Variants in DTWD2 observed in about 807,000 individuals in gnomAD.
DTWD2 encodes DTW motif tRNA-uridine aminocarboxypropyltransferase 2, also known as tRNA-uridine aminocarboxypropyltransferase 2.
Under a neutral mutation model 31.8 loss-of-function variants are expected in DTWD2, and 39 were observed. The ratio of observed to expected loss-of-function variants is 1.22; its 90% CI spans 0.95 to 1.60. The LOEUF (loss-of-function observed/expected upper bound fraction) is 1.60, where lower values mean the gene tolerates loss of function less well. DTWD2 is among the 40% of genes most tolerant of loss of function. The probability of loss-of-function intolerance (pLI) is 0.00; values close to 1 mark genes in which losing one functional copy is unlikely to be tolerated. For synonymous variants in DTWD2, 180 were observed against 142.8 expected (o/e 1.26, Z -1.86); for missense variants, 515 against 381.5 (o/e 1.35, Z -2.92).
At chr5:118,871,800 T>C (rs900402613) in intron 4 of DTWD2, among the ~76,000 whole-genome samples, 1 of 152,158 alleles carries the variant, frequency 6.6e-6, no homozygotes, top group Non-Finnish European at 1.5e-5. Context: ...AACCTGAAAC[T>C]CACCAGCTGC....
At chr5:118,909,838 C>T (rs190977344) in intron 4 of DTWD2, among the ~76,000 whole-genome samples, 2 of 152,322 alleles carry the variant, frequency 1.3e-5, no homozygotes, top group African/African-American at 4.8e-5. Flanking sequence ...ACTGTATTCC[C>T]CCGTACTTAG....
Position 118,839,490 on chromosome 5 carries a change from G to A in DTWD2, c.*1427C>T, listed in dbSNP as rs1381059844. 1 of 151,874 alleles carries A rather than the reference G, an allele frequency of 6.6e-6. No individual in the cohort carries two copies. The highest frequency in any genetic ancestry group is 1.5e-5 in the Non-Finnish European group (1 of 68,024). 9.4% of individuals were successfully genotyped at this position (151,874 alleles called of 1,614,324 possible). ...CCACCTTAGCCTCCCAAGTAGCTAGGACTACAAGTGCACACCACCACATCT... is the reference window on the plus strand; with the variant it reads ...CCACCTTAGCCTCCCAAGTAGCTAGAACTACAAGTGCACACCACCACATCT... On this transcript the variant is annotated 3_prime_UTR_variant, in exon 6 of 6. Coordinates refer to ENST00000510708, the MANE Select transcript of DTWD2 (RefSeq NM_173666.4).
intron 4 of DTWD2, among the ~76,000 whole-genome samples, chr5:118,871,989 C>T (rs549606500): frequency 6.6e-6 from 1 of 152,326 alleles, no homozygotes; most frequent in Admixed American, 6.5e-5. Flanking sequence ...TAGCTTGATG[C>T]AACTTCTACA....
intron 4 of DTWD2, among the ~76,000 whole-genome samples, chr5:118,918,387 C>A (rs1177540500): frequency 3.3e-5 from 5 of 149,950 alleles, no homozygotes; most frequent in Admixed American, 2.0e-4. Context: ...AGTGCAGTGG[C>A]ACGATCTCGG....
intron 3 of DTWD2, among the ~76,000 whole-genome samples, chr5:118,932,644 TAAG>T (rs765819840): frequency 5.5e-4 from 83 of 152,250 alleles, no homozygotes; most frequent in East Asian, 1.7e-3. Flanking sequence ...GGTATGATTA[TAAG>T]AAGAGGAAAT....
rs1561484620 is a variant in DTWD2, at chr5:118,988,486, G to GT, written c.25dup (p.Thr9AsnfsTer60). The GT allele has an allele frequency of 6.3e-7, 1 of 1,590,914 alleles. No homozygotes were observed. Among genetic ancestry groups the GT allele is most frequent in the Admixed American group, 1.7e-5 (1 of 57,446 alleles). ...AGGCCGCGCAACGGGCTCCTGGAGT[G>GT]TTCGTGCCTCTTTCTGCGACTCCAT... On this transcript the variant is annotated frameshift_variant, in exon 1 of 6. Transcript: ENST00000510708. LOFTEE classifies it high-confidence loss of function.
intron 4 of DTWD2, among the ~76,000 whole-genome samples, chr5:118,861,887 C>A (rs981368081): frequency 1.8e-4 from 27 of 152,104 alleles, no homozygotes; most frequent in African/African-American, 6.5e-4. Context: ...GAGCTGAGAG[C>A]TGAAGAGCCA....
intron 4 of DTWD2, among the ~76,000 whole-genome samples, chr5:118,906,234 AACT>A (rs1474029165): frequency 6.6e-6 from 1 of 152,196 alleles, no homozygotes; most frequent in African/African-American, 2.4e-5. Flanking sequence ...ATTTCTCATA[AACT>A]ACTGGTAGGA....
chr5:118,910,122 A>G (rs1753424692), intron 4 of DTWD2, among the ~76,000 whole-genome samples: 1 of 152,170 alleles, frequency 6.6e-6, no homozygotes, highest in Non-Finnish European at 1.5e-5. Context: ...ACACTTTTTC[A>G]TTGTTTAAAA....
chr5:118,886,451 TAAC>T (rs1377491233), intron 4 of DTWD2, among the ~76,000 whole-genome samples: 2 of 152,130 alleles, frequency 1.3e-5, no homozygotes, highest in African/African-American at 4.8e-5. Context: ...TATAATAGCA[TAAC>T]AAGGAAATCA....
At chr5:118,869,824 A>G (rs1449167630) in intron 4 of DTWD2, among the ~76,000 whole-genome samples, 10 of 152,176 alleles carry the variant, frequency 6.6e-5, no homozygotes, top group Admixed American at 5.9e-4. Flanking sequence ...GTGTCTCTCC[A>G]AATCTCATGC....
chr5:118,887,699 G>A (rs1752897161), intron 4 of DTWD2, among the ~76,000 whole-genome samples: 1 of 152,138 alleles, frequency 6.6e-6, no homozygotes, highest in South Asian at 2.1e-4. Context: ...GCTCACCGCA[G>A]CCTCAAACTC....
At chr5:118,841,974 G>A (rs138695078) in intron 5 of DTWD2, among the ~76,000 whole-genome samples, 120 of 152,202 alleles carry the variant, frequency 7.9e-4, no homozygotes, top group Admixed American at 1.6e-3. Context: ...ATGTCTACGT[G>A]AAAATGTATT....
intron 4 of DTWD2, among the ~76,000 whole-genome samples, chr5:118,880,864 CA>C (rs1182828697): frequency 6.6e-6 from 1 of 152,036 alleles, no homozygotes; most frequent in Non-Finnish European, 1.5e-5. Flanking sequence ...GTTTCTTTAA[CA>C]ATTAAAACAA....
rs1755403219 is a variant in DTWD2, at chr5:118,985,490, T to TATATATATATATATA, written c.218+2803_218+2804insTATATATATATATAT. Among the ~76,000 whole-genome samples, 15 of 95,422 alleles carry TATATATATATATATA rather than the reference T, an allele frequency of 1.6e-4. No homozygotes were observed. The South Asian group carries it at 2.6e-3, about 16-fold the overall frequency. 62.6% of individuals were successfully genotyped at this position (95,422 alleles called of 152,430 possible). A position where few individuals can be genotyped will look rare whatever the true frequency, so the allele number is the denominator to read the frequency against. On this transcript the variant is annotated intron_variant, in intron 1 of 5. Transcript: ENST00000510708. ...AAAGACCACATGCTTATGTGCATTT[T>TATATATATATATATA]TATATATATATATATATATATATAT...
intron 4 of DTWD2, among the ~76,000 whole-genome samples, chr5:118,896,839 C>T (rs1753094058): frequency 6.6e-6 from 1 of 152,138 alleles, no homozygotes; most frequent in African/African-American, 2.4e-5. Flanking sequence ...GTCAATGGAC[C>T]CAGCTGAGTA....
intron 4 of DTWD2, among the ~76,000 whole-genome samples, chr5:118,871,145 C>T (rs972806313): frequency 6.6e-6 from 1 of 152,162 alleles, no homozygotes; most frequent in South Asian, 2.1e-4. Flanking sequence ...AAATCCTCAT[C>T]TGTTCAAGTT....
chr5:118,918,798 G>C (rs1215409670), intron 4 of DTWD2, among the ~76,000 whole-genome samples: 1 of 151,336 alleles, frequency 6.6e-6, no homozygotes, highest in African/African-American at 2.4e-5. Context: ...GACCAGCCTG[G>C]GCAACGTGGT....
At chr5:118,893,327 C>T (rs959813619) in intron 4 of DTWD2, among the ~76,000 whole-genome samples, 3 of 143,240 alleles carry the variant, frequency 2.1e-5, no homozygotes, top group African/African-American at 5.3e-5. Context: ...CACCACTGCA[C>T]TCTAGCCTGG....
Sources: gnomAD v4.1 joint callset for allele counts (sites outside exome capture counted in the v4.1 genomes callset) on GRCh38, gnomAD v4.1.1 for gene constraint, MANE v1.5 for transcripts, NCBI Gene and HGNC (gene_info 2026-07-23, HGNC 2026-07-21) for gene names.